ZNF469: variants seen among roughly 807,000 people sequenced by gnomAD.
ZNF469 encodes the protein zinc finger protein 469.
Under a neutral mutation model 1.0 loss-of-function variants are expected in ZNF469, and 1 was observed. The ratio of observed to expected loss-of-function variants is 1.00; its 90% CI spans 0.35 to 4.73. The LOEUF (loss-of-function observed/expected upper bound fraction) is 4.73. Among genes scored for constraint, ZNF469 ranks in the 30% most tolerant of loss-of-function variants. ZNF469 has a pLI of 0.16. For missense variants in ZNF469, 6,100 were observed against 5,356.3 expected, an observed-to-expected ratio of 1.14 and a Z score of -4.33; for synonymous variants, 2,703 against 2,363.4, an observed-to-expected ratio of 1.14 and a Z score of -4.17.
the ZNF469 span, among the ~76,000 whole-genome samples, chr16:88,108,221 G>A: frequency 4.2e-5 from 6 of 144,450 alleles, no homozygotes; most frequent in South Asian, 2.2e-4. Flanking sequence ...AGAGGTGCAC[G>A]TCTGTGGGGA....
chr16:88,323,195 C>G, the ZNF469 span, among the ~76,000 whole-genome samples: 1 of 152,186 alleles, frequency 6.6e-6, no homozygotes, highest in South Asian at 2.1e-4. Flanking sequence ...CCTTCTGCCA[C>G]GCAGTCTGCC....
chr16:88,104,484 G>A, the ZNF469 span, among the ~76,000 whole-genome samples: 667 of 152,016 alleles, frequency 4.4e-3, 4 homozygotes, highest in African/African-American at 0.015. Flanking sequence ...TACCCCGGAC[G>A]TTAAGTCCCC....
chr16:88,403,081 A>C (rs1904929565), intron 1 of ZNF469, among the ~76,000 whole-genome samples: 1 of 152,174 alleles, frequency 6.6e-6, no homozygotes, highest in African/African-American at 2.4e-5. Flanking sequence ...CCAGAAACTT[A>C]AGAAGGAGAG....
At chr16:88,103,981 G>A in the ZNF469 span, among the ~76,000 whole-genome samples, 6 of 152,134 alleles carry the variant, frequency 3.9e-5, no homozygotes, top group Non-Finnish European at 5.9e-5. Flanking sequence ...GCTGCAGTGC[G>A]TGTGACAGTC....
chr16:88,432,444 G>T lies in ZNF469; in HGVS notation c.4974G>T (p.Trp1658Cys). Residue 1658 changes from tryptophan to cysteine, a missense_variant, in exon 3 of 3, where the codon TGG becomes TGT. Coordinates refer to ENST00000565624, the MANE Select transcript of ZNF469 (RefSeq NM_001367624.2). ...TTCAGGGGAGGCCTGGGGGGACGTG[G>T]CCCTGCCCAGCCTCCTTCCATCCGG... is the stretch of plus-strand genomic sequence containing the variant. ...EAVQGRPGGTWPCPASFHPGH... is the reference protein window; with the variant it reads ...EAVQGRPGGTCPCPASFHPGH... 2 of 1,550,250 alleles carry T rather than the reference G, an allele frequency of 1.3e-6. No individual in the cohort carries two copies. Among genetic ancestry groups the T allele is most frequent in the Non-Finnish European group, 1.7e-6 (2 of 1,146,972 alleles).
At chr16:88,139,205 C>T in the ZNF469 span, among the ~76,000 whole-genome samples, 1 of 152,238 alleles carries the variant, frequency 6.6e-6, no homozygotes, top group Admixed American at 6.5e-5. Flanking sequence ...ATGAGCCCAG[C>T]CAGGAGGCTC....
At chr16:88,378,969 G>T (rs2092515048), upstream of ZNF469, among the ~76,000 whole-genome samples, 1 of 152,224 alleles carries the variant, frequency 6.6e-6, no homozygotes, top group African/African-American at 2.4e-5. Flanking sequence ...CTCTCAAGGT[G>T]CATGGTTGTC....
rs1159665815 is a variant in ZNF469, at chr16:88,429,136, C to T, written c.1666C>T (p.Pro556Ser). The T allele has an allele frequency of 6.5e-7, 1 of 1,549,958 alleles. No individual in the cohort carries two copies. The highest frequency in any genetic ancestry group is 2.4e-5 in the East Asian group (1 of 40,892). Residue 556 changes from proline to serine, a missense_variant, in exon 3 of 3, where the codon CCT (proline) becomes TCT (serine). Transcript: ENST00000565624. ...GTTCACCTACAACGGAATGACAGAC[C>T]CTGGGGCTCAGCCCCTGTTCTTCGG... ...ALFTYNGMTD[P>S]GAQPLFFGVA...
At chr16:88,146,937 T>G in the ZNF469 span, among the ~76,000 whole-genome samples, 1 of 152,000 alleles carries the variant, frequency 6.6e-6, no homozygotes, top group African/African-American at 2.4e-5. Flanking sequence ...GGTGGCCTCC[T>G]GGGGGTGTCT....
At chr16:88,109,497 G>A in the ZNF469 span, among the ~76,000 whole-genome samples, 4 of 151,840 alleles carry the variant, frequency 2.6e-5, no homozygotes, top group African/African-American at 9.7e-5. Flanking sequence ...CCAGGATCAG[G>A]AGGTGCTGAG....
chr16:88,380,310 GACATGCACTCAC>G (rs548229289), upstream of ZNF469, among the ~76,000 whole-genome samples: 3,184 of 94,570 alleles, frequency 0.034, 343 homozygotes, highest in African/African-American at 0.13. Flanking sequence ...CTAAAACACA[GACATGCACTCAC>G]ACATGCACTC....
rs1300492242 is a variant in ZNF469, at chr16:88,428,108, G to A, written c.638G>A (p.Ser213Asn). 14 of 1,549,668 alleles carry A rather than the reference G, an allele frequency of 9.0e-6. No individual in the cohort carries two copies. The highest frequency in any genetic ancestry group is 1.4e-5 in the African/African-American group (1 of 73,008). The change falls in exon 3 of 3, where the codon AGC becomes AAC. Residue 213 changes from serine (S) to asparagine (N), a missense_variant. Ser to Asn is a conservative substitution (Grantham distance 46). Transcript: ENST00000565624. ...CCCCCAGCCCCGGGGCCCCCCCAGAGCAGGGGCACCAGCCCCCTCCAGCCC... is the reference window on the plus strand; with the variant it reads ...CCCCCAGCCCCGGGGCCCCCCCAGAACAGGGGCACCAGCCCCCTCCAGCCC... ...PRPPAPGPPQ[S>N]RGTSPLQPGS...
At chr16:88,152,011 A>C in the ZNF469 span, among the ~76,000 whole-genome samples, 1 of 152,156 alleles carries the variant, frequency 6.6e-6, no homozygotes, top group Non-Finnish European at 1.5e-5. The surrounding 1 kb of genome is among the most constrained non-coding windows in gnomAD (Gnocchi z 4.2). Context: ...CCCTTCTTAC[A>C]CAGAAGAGAT....
At chr16:88,162,908 G>A in the ZNF469 span, among the ~76,000 whole-genome samples, 1 of 152,252 alleles carries the variant, frequency 6.6e-6, no homozygotes, top group South Asian at 2.1e-4. Context: ...AACTCAGCAT[G>A]TAGCAAGAGT....
intron 1 of ZNF469, among the ~76,000 whole-genome samples, chr16:88,393,436 G>A (rs112694376): frequency 2.0e-5 from 3 of 152,222 alleles, no homozygotes; most frequent in Admixed American, 6.5e-5. Flanking sequence ...ATGCCGGACC[G>A]GTGCCTGGGG....
the ZNF469 span, among the ~76,000 whole-genome samples, chr16:88,354,902 G>GGAGTC: frequency 7.9e-5 from 12 of 152,226 alleles, no homozygotes; most frequent in Non-Finnish European, 1.0e-4. Context: ...GGAGGCCTGA[G>GGAGTC]GAGTCGAGTC....
At chr16:88,154,588 A>G in the ZNF469 span, among the ~76,000 whole-genome samples, 1 of 152,232 alleles carries the variant, frequency 6.6e-6, no homozygotes, top group Non-Finnish European at 1.5e-5. Flanking sequence ...AGGCCAGCAT[A>G]TCCCCATCAC....
the ZNF469 span, among the ~76,000 whole-genome samples, chr16:88,151,037 A>G: frequency 6.6e-6 from 1 of 152,218 alleles, no homozygotes; most frequent in Non-Finnish European, 1.5e-5. This position sits in a 1 kb window ranked among gnomAD's most constrained non-coding sequence, Gnocchi z 5.4. Flanking sequence ...TGAAAATGGC[A>G]CAGAAGTGAC....
the ZNF469 span, among the ~76,000 whole-genome samples, chr16:88,355,878 C>T: frequency 6.6e-6 from 1 of 152,160 alleles, no homozygotes; most frequent in South Asian, 2.1e-4. Flanking sequence ...TGCAGACATG[C>T]CCTCGGCGGC....
Sources: allele counts gnomAD v4.1 joint callset (sites outside exome capture counted in the v4.1 genomes callset), GRCh38; gene constraint gnomAD v4.1.1; non-coding constraint Gnocchi (gnomAD v3.1); transcripts MANE v1.5; gene names NCBI Gene and HGNC (gene_info 2026-07-23, HGNC 2026-07-21).